PCDHA7: variants seen among roughly 807,000 people sequenced by gnomAD.
PCDHA7 encodes the protein protocadherin alpha-7.
PCDHA7 carries 37 observed loss-of-function variants against 57.2 expected under a neutral mutation model. The observed-to-expected ratio is 0.65, with a 90% CI of 0.50 to 0.85. PCDHA7 has a LOEUF of 0.85. Among genes scored for constraint, PCDHA7 ranks in the 40% least tolerant of loss-of-function variants. PCDHA7 has a pLI of 0.00. For missense variants in PCDHA7, 1,188 were observed against 1,241.8 expected (o/e 0.96, Z 0.65); for synonymous variants, 553 against 558.8 (o/e 0.99, Z 0.15).
chr5:140,848,730 C>T (rs1554142389), intron 1 of PCDHA7: 1 of 1,592,676 alleles, frequency 6.3e-7, no homozygotes, highest in Admixed American at 1.7e-5. Flanking sequence ...GGAGGTAAAT[C>T]TGCAGAATGG....
At chr5:140,854,178 A>AATT in intron 1 of PCDHA7, 6 of 531,176 alleles carry the variant, frequency 1.1e-5, no homozygotes, top group Non-Finnish European at 1.2e-5. Context: ...AAAAAAAAAG[A>AATT]GTAGTTTAAC....
Position 140,982,534 on chromosome 5 carries a change from A to G in PCDHA7, c.2474A>G (p.Gln825Arg), listed in dbSNP as rs1554244431. Residue 825 changes from glutamine (Q) to arginine (R), a missense_variant, in exon 3 of 4, where the codon CAG becomes CGG. By Grantham distance (43) the Gln-to-Arg change is conservative. This residue lies in a region of PCDHA7 where 892 missense variants were observed against 788.5 expected (regional missense o/e 1.13). Transcript: ENST00000525929. ...GCTGGTCCAGGAGGGCCTGATCAGC[A>G]GTGGCCAACAGTATCCAGTGCAACA... ...LRAGPGGPDQ[Q>R]WPTVSSATPE... 1 of 1,614,222 alleles carries G rather than the reference A, an allele frequency of 6.2e-7. No homozygotes were observed. Among genetic ancestry groups the G allele is most frequent in the Non-Finnish European group, 8.5e-7 (1 of 1,180,036 alleles).
Position 140,836,213 on chromosome 5 carries a change from G to A in PCDHA7, c.1830G>A (p.Glu610=), listed in dbSNP as rs2150255570. The change falls in exon 1 of 4, where the codon GAG becomes GAA. Residue 610 remains glutamate (E), a synonymous_variant. Transcript: ENST00000525929. ...DSGYNAWLSY[E]LQPVAAGASI... ...GCTACAACGCGTGGCTTTCGTATGA[G>A]TTGCAACCGGTGGCGGCCGGTGCGA... 1.9e-6 allele frequency: 3 copies of A among 1,613,848 alleles called. No homozygotes were observed. Among genetic ancestry groups the A allele is most frequent in the Non-Finnish European group, 2.5e-6 (3 of 1,179,820 alleles).
chr5:140,917,942 A>G (rs781844380), intron 1 of PCDHA7, among the ~76,000 whole-genome samples: 5 of 152,048 alleles, frequency 3.3e-5, no homozygotes, highest in African/African-American at 4.8e-5. Flanking sequence ...TAATATTGGT[A>G]GTTTGATAGG....
chr5:140,898,147 C>G (rs2066556304), intron 1 of PCDHA7, among the ~76,000 whole-genome samples: 1 of 152,150 alleles, frequency 6.6e-6, no homozygotes, highest in Non-Finnish European at 1.5e-5. Context: ...GTTGCCTGTT[C>G]ACGCTGATGG....
intron 1 of PCDHA7, among the ~76,000 whole-genome samples, chr5:140,873,979 T>C (rs1210499789): frequency 6.6e-6 from 1 of 152,156 alleles, no homozygotes; most frequent in Non-Finnish European, 1.5e-5. Context: ...AAAATTAAAG[T>C]TCCTTAGCAT....
chr5:140,950,435 A>T (rs2094483371), intron 1 of PCDHA7, among the ~76,000 whole-genome samples: 1 of 152,038 alleles, frequency 6.6e-6, no homozygotes, highest in Non-Finnish European at 1.5e-5. Flanking sequence ...CACTTAAAAA[A>T]AATGTTATTC....
At chr5:140,968,921 T>C (rs111394602) in intron 1 of PCDHA7, 34 of 1,614,098 alleles carry the variant, frequency 2.1e-5, no homozygotes, top group Non-Finnish European at 2.6e-5. Context: ...GTCTTTTATA[T>C]TTCTTTTGAC....
rs1333362831 is a variant in PCDHA7 at position 140,976,454 on chromosome 5, GGAA to G, written c.2356-2488_2356-2486del. Among the ~76,000 whole-genome samples, 4 of 152,214 alleles carry G rather than the reference GGAA, an allele frequency of 2.6e-5. No individual in the cohort carries two copies. The East Asian group carries it at 7.7e-4, about 29-fold the overall frequency. On this transcript the variant is annotated intron_variant, in intron 1 of 3. Transcript: ENST00000525929. Reference sequence around the variant, plus strand: ...TAATCCCAGCTACTAGGGAGGCTGGGGAAGAAGAATTGCTTGAATCCGGGAGGC... The same window carrying G: ...TAATCCCAGCTACTAGGGAGGCTGGGGAAGAATTGCTTGAATCCGGGAGGC...
intron 1 of PCDHA7, chr5:140,928,032 T>C (rs369075554): frequency 6.2e-7 from 1 of 1,614,216 alleles, no homozygotes; most frequent in African/African-American, 1.3e-5. Flanking sequence ...GTGGCATGTC[T>C]AGTGCAGGCC....
chr5:140,861,502 T>A, intron 1 of PCDHA7: 1 of 482,002 alleles, frequency 2.1e-6, no homozygotes. Context: ...CTGATAGACC[T>A]CGAGGAGCTG....
chr5:140,842,142 A>G (rs2150330261), intron 1 of PCDHA7: 7 of 1,613,746 alleles, frequency 4.3e-6, no homozygotes, highest in Middle Eastern at 1.6e-4. Context: ...GAAGGAGCCA[A>G]TGGGGCAATT....
At chr5:140,967,174 G>A (rs1554229282) in intron 1 of PCDHA7, 1 of 1,611,892 alleles carries the variant, frequency 6.2e-7, no homozygotes, top group Non-Finnish European at 8.5e-7. Flanking sequence ...CCGTTGAGGT[G>A]GAAATATTGG....
intron 1 of PCDHA7, among the ~76,000 whole-genome samples, chr5:140,949,015 T>A (rs1004348581): frequency 7.9e-5 from 12 of 151,734 alleles, no homozygotes; most frequent in Non-Finnish European, 1.2e-4. Context: ...ATATGTGATG[T>A]TTTTATTTTT....
In PCDHA7 at chr5:140,836,377, T is replaced by C. The variant is rs2150259122; in HGVS notation, c.1994T>C (p.Val665Ala). 2 of 1,613,612 alleles carry C rather than the reference T, an allele frequency of 1.2e-6. No individual in the cohort carries two copies. The highest frequency in any genetic ancestry group is 1.7e-6 in the Non-Finnish European group (2 of 1,179,848). Residue 665 changes from valine (V) to alanine (A), a missense_variant, in exon 1 of 4, where the codon GTG becomes GCG. This residue lies in a region of PCDHA7 where 892 missense variants were observed against 788.5 expected (regional missense o/e 1.13). Transcript: ENST00000525929. ...CCCTCGCTGACAGCCACAGCCACCG[T>C]GCTGGTGTCGCTGGTGGAAAGCGGC... ...GEPSLTATAT[V>A]LVSLVESGQA...
chr5:140,857,913 G>A (rs559667430), intron 1 of PCDHA7: 1 of 1,597,802 alleles, frequency 6.3e-7, no homozygotes, highest in East Asian at 2.2e-5. Context: ...ATCCCGTTTC[G>A]CGTGGGGCTG....
At chr5:140,843,593 G>C in intron 1 of PCDHA7, 1 of 1,596,072 alleles carries the variant, frequency 6.3e-7, no homozygotes, top group Non-Finnish European at 8.6e-7. Context: ...GCCGCAGAGG[G>C]TGTGCTCTGG....
rs1347683940 is a variant in PCDHA7 at position 140,847,266 on chromosome 5, A to C, written c.2355+10528A>C. ...CAAAATAAATCACGACTTTTGAAAG[A>C]AGGTTGAACGGGAAGACAAACTCAG... is the stretch of plus-strand genomic sequence containing the variant. On this transcript the variant is annotated intron_variant, in intron 1 of 3. Coordinates refer to ENST00000525929, the MANE Select transcript of PCDHA7 (RefSeq NM_018910.3). Among the ~76,000 whole-genome samples the C allele has an allele frequency of 6.0e-5, 9 of 149,874 alleles. 2 individuals carry two copies. Among genetic ancestry groups the C allele is most frequent in the African/African-American group, 2.2e-4 (9 of 40,946 alleles).
Position 140,835,695 on chromosome 5 carries a change from A to G in PCDHA7, c.1312A>G (p.Thr438Ala), listed in dbSNP as rs2150242144. The G allele has an allele frequency of 1.2e-6, 2 of 1,613,712 alleles. No individual in the cohort carries two copies. The highest frequency in any genetic ancestry group is 2.2e-5 in the South Asian group (2 of 91,078). Residue 438 changes from threonine to alanine, a missense_variant, in exon 1 of 4, where the codon ACT becomes GCT. This residue lies in a region of PCDHA7 where 892 missense variants were observed against 788.5 expected (regional missense o/e 1.13). Transcript: ENST00000525929. Reference protein sequence around the residue: ...RDGGSPSLWATASVSVEVADV... With the variant: ...RDGGSPSLWAAASVSVEVADV... ...CGGGGGCTCGCCTTCTCTGTGGGCC[A>G]CTGCTAGCGTGTCCGTGGAGGTGGC...
Sources: allele counts gnomAD v4.1 joint callset (sites outside exome capture counted in the v4.1 genomes callset), GRCh38; gene constraint gnomAD v4.1.1; regional missense constraint gnomAD v4.1.1; transcripts MANE v1.5; gene names NCBI Gene and HGNC (gene_info 2026-07-23, HGNC 2026-07-21).